The following EYS variants were observed in gnomAD, a reference collection of about 807,000 sequenced individuals.
EYS encodes the protein protein eyes shut homolog.
Under a neutral mutation model 282.1 loss-of-function variants are expected in EYS, and 250 were observed. That is an observed-to-expected ratio of 0.89 (90% CI 0.80 to 0.98). The LOEUF (loss-of-function observed/expected upper bound fraction) is 0.98. Among genes scored for constraint, EYS ranks in the 50% least tolerant of loss-of-function variants. The pLI is 0.00. For missense variants in EYS, 4,016 were observed against 3,709.0 expected, an observed-to-expected ratio of 1.08 and a Z score of -2.15; for synonymous variants, 1,355 against 1,282.9, an observed-to-expected ratio of 1.06 and a Z score of -1.20.
Position 64,066,369 on chromosome 6 carries a change from T to C in EYS, c.6694A>G (p.Asn2232Asp). 6.4e-7 allele frequency: 1 copy of C among 1,551,774 alleles called. No homozygotes were observed. Among genetic ancestry groups the C allele is most frequent in the East Asian group, 2.4e-5 (1 of 40,906 alleles). Residue 2232 changes from asparagine (N) to aspartate (D), a missense_variant, in exon 33 of 43, where the codon AAC becomes GAC. Asn to Asp is a conservative substitution (Grantham distance 23). Transcript: ENST00000503581. ...ILTVSANYSI[N>D]TNAFTPITIR... ...GTGATAGGGGTGAATGCATTTGTGT[T>C]AATGCTGTAATTAGCAGAAACAGTC...
chr6:65,413,128 T>C (rs1204329892), intron 5 of EYS, among the ~76,000 whole-genome samples: 1 of 152,164 alleles, frequency 6.6e-6, no homozygotes, highest in Non-Finnish European at 1.5e-5. Flanking sequence ...TTTAATGGAA[T>C]GTTTGATGAA....
intron 30 of EYS, among the ~76,000 whole-genome samples, chr6:64,292,862 T>G (rs1017400098): frequency 2.0e-5 from 3 of 152,124 alleles, no homozygotes; most frequent in Admixed American, 1.3e-4. Context: ...AATCATGCAA[T>G]ACTCTGTGGT....
chr6:65,378,203 C>T (rs1386928123), intron 8 of EYS, among the ~76,000 whole-genome samples: 1 of 152,030 alleles, frequency 6.6e-6, no homozygotes, highest in Non-Finnish European at 1.5e-5. Context: ...AACAATCAAC[C>T]TCATCAAAAA....
At chr6:64,313,484 C>A (rs1769811838) in intron 29 of EYS, among the ~76,000 whole-genome samples, 1 of 151,972 alleles carries the variant, frequency 6.6e-6, no homozygotes, top group South Asian at 2.1e-4. Flanking sequence ...GGAGAACTTC[C>A]CCAACCTAAC....
chr6:65,654,793 G>A (rs556575508), intron 1 of EYS, among the ~76,000 whole-genome samples: 5 of 151,544 alleles, frequency 3.3e-5, no homozygotes, highest in Non-Finnish European at 7.4e-5. Context: ...CGAAAGAAAT[G>A]ATTTAGGACC....
At chr6:64,793,545 G>T (rs1005560655) in intron 22 of EYS, among the ~76,000 whole-genome samples, 2 of 152,074 alleles carry the variant, frequency 1.3e-5, no homozygotes, top group Admixed American at 6.6e-5. Flanking sequence ...TTGTAAATTT[G>T]CTATTGCAGA....
intron 31 of EYS, among the ~76,000 whole-genome samples, chr6:64,086,447 CAAGT>C (rs35415742): frequency 0.03 from 4,641 of 152,270 alleles, 119 homozygotes; most frequent in Middle Eastern, 0.054. Context: ...GTATAATTAT[CAAGT>C]AAGCCAGGCC....
intron 35 of EYS, among the ~76,000 whole-genome samples, chr6:63,914,595 C>A (rs1764370836): frequency 6.6e-6 from 1 of 151,980 alleles, no homozygotes; most frequent in African/African-American, 2.4e-5. Context: ...GTAATCCCAG[C>A]TACTCAGGAG....
intron 36 of EYS, among the ~76,000 whole-genome samples, chr6:63,818,367 G>C (rs965899748): frequency 2.6e-5 from 4 of 152,166 alleles, no homozygotes; most frequent in Admixed American, 2.6e-4. Context: ...AATACATTAA[G>C]TTTCTGTTGG....
At chr6:65,328,361 C>T (rs1769682905) in intron 11 of EYS, among the ~76,000 whole-genome samples, 1 of 151,294 alleles carries the variant, frequency 6.6e-6, no homozygotes, top group Admixed American at 6.6e-5. Context: ...GTACGTCTAG[C>T]ATTTTGTCAT....
At chr6:65,014,994 G>C (rs546030118) in intron 13 of EYS, among the ~76,000 whole-genome samples, 1 of 152,112 alleles carries the variant, frequency 6.6e-6, no homozygotes, top group Admixed American at 6.6e-5. Context: ...GAAGATGAAA[G>C]CTGGAGTTTG....
intron 31 of EYS, among the ~76,000 whole-genome samples, chr6:64,190,578 A>AAAGTG (rs1651517215): frequency 6.6e-6 from 1 of 152,110 alleles, no homozygotes; most frequent in Non-Finnish European, 1.5e-5. Context: ...CTGAGGTAAA[A>AAAGTG]CCTAGCTCTT....
chr6:63,738,593 G>T (rs552729194), intron 41 of EYS, among the ~76,000 whole-genome samples: 3 of 122,684 alleles, frequency 2.4e-5, no homozygotes, highest in South Asian at 3.3e-4. Flanking sequence ...GTTGTGGGGT[G>T]GGGGGAGGGG....
intron 22 of EYS, among the ~76,000 whole-genome samples, chr6:64,800,792 A>G (rs1432621227): frequency 1.3e-5 from 2 of 152,024 alleles, no homozygotes; most frequent in South Asian, 4.1e-4. Flanking sequence ...TTCAATGTGA[A>G]TATGACTTAT....
At chr6:63,721,886 T>G in intron 42 of EYS, 89 bp from the exon 43 acceptor site, 1 of 1,252,526 alleles carries the variant, frequency 8.0e-7, no homozygotes, top group Non-Finnish European at 1.1e-6. Context: ...TGGATAAGTT[T>G]TAGTTATGGG....
intron 31 of EYS, among the ~76,000 whole-genome samples, chr6:64,189,918 G>A (rs535879888): frequency 2.0e-5 from 3 of 152,254 alleles, no homozygotes; most frequent in East Asian, 3.9e-4. Flanking sequence ...CCTGACCCCT[G>A]TGCTAGATAC....
At chr6:64,161,030 C>A (rs888226948) in intron 31 of EYS, among the ~76,000 whole-genome samples, 1 of 152,140 alleles carries the variant, frequency 6.6e-6, no homozygotes, top group Admixed American at 6.6e-5. Context: ...ATTAAAAAAT[C>A]TGTATAAGAG....
At chr6:65,271,575 AT>A (rs898008770) in intron 12 of EYS, among the ~76,000 whole-genome samples, 12 of 151,644 alleles carry the variant, frequency 7.9e-5, no homozygotes, top group African/African-American at 2.9e-4. Flanking sequence ...CAAGTTTTTA[AT>A]TTTTTTTATT....
intron 22 of EYS, among the ~76,000 whole-genome samples, chr6:64,804,797 A>G (rs1201660844): frequency 2.0e-5 from 3 of 152,162 alleles, no homozygotes; most frequent in Admixed American, 1.3e-4. Context: ...ATATTTTAAT[A>G]TACATAAAAA....
Sources: gnomAD v4.1 joint callset for allele counts (sites outside exome capture counted in the v4.1 genomes callset) on GRCh38, gnomAD v4.1.1 for gene constraint, MANE v1.5 for transcripts, NCBI Gene and HGNC (gene_info 2026-07-23, HGNC 2026-07-21) for gene names.